Variants in SEMA4D observed in about 807,000 individuals in gnomAD.
SEMA4D encodes the protein semaphorin 4D.
SEMA4D carries 22 observed loss-of-function variants against 74.8 expected under a neutral mutation model. The ratio of observed to expected loss-of-function variants is 0.29; its 90% CI spans 0.21 to 0.42. The LOEUF (loss-of-function observed/expected upper bound fraction) is 0.42, where lower values mean the gene tolerates loss of function less well. Among genes scored for constraint, SEMA4D ranks in the 10% least tolerant of loss-of-function variants. The pLI is 1.00. For missense variants in SEMA4D, 937 were observed against 1,118.4 expected (o/e 0.84, Z 2.31); for synonymous variants, 445 against 463.7 (o/e 0.96, Z 0.52).
At chr9:89,437,084 G>C (rs907385783) in intron 2 of SEMA4D, among the ~76,000 whole-genome samples, 2 of 152,236 alleles carry the variant, frequency 1.3e-5, no homozygotes, top group Non-Finnish European at 2.9e-5. Context: ...CTGCTGGACA[G>C]TGCTGCAGCG....
At chr9:89,429,721 G>A (rs144525235) in intron 2 of SEMA4D, among the ~76,000 whole-genome samples, 2,244 of 152,264 alleles carry the variant, frequency 0.015, 29 homozygotes, top group South Asian at 0.041. Context: ...CCAGAAGCCC[G>A]GGAAGCATGC....
At chr9:89,424,252 TACAA>T (rs1487263750) in intron 2 of SEMA4D, among the ~76,000 whole-genome samples, 1 of 152,144 alleles carries the variant, frequency 6.6e-6, no homozygotes, top group Non-Finnish European at 1.5e-5. Context: ...AACACAATGT[TACAA>T]ACAACCAACA....
At chr9:89,364,764 T>G (rs912295896) in intron 16 of SEMA4D, 4 of 152,562 alleles carry the variant, frequency 2.6e-5, no homozygotes, top group African/African-American at 7.2e-5. Context: ...GCTTGTCTGA[T>G]GGAGAGATCA....
intron 13 of SEMA4D, among the ~76,000 whole-genome samples, chr9:89,383,477 A>G (rs921100162): frequency 6.6e-6 from 1 of 152,124 alleles, no homozygotes; most frequent in Non-Finnish European, 1.5e-5. Context: ...AAAACACCAG[A>G]CTACTCCTCT....
chr9:89,383,799 A>G (rs934444971), intron 13 of SEMA4D, among the ~76,000 whole-genome samples: 1 of 152,154 alleles, frequency 6.6e-6, no homozygotes, highest in Non-Finnish European at 1.5e-5. Context: ...AAAAAGCCTG[A>G]CCAGGCACCT....
In SEMA4D at chr9:89,388,726, G is replaced by A. The variant is rs955776144; in HGVS notation, c.1017C>T (p.His339=). 27 of 1,610,774 alleles carry A rather than the reference G, an allele frequency of 1.7e-5. No homozygotes were observed. The highest frequency in any genetic ancestry group is 1.6e-4 in the Middle Eastern group (1 of 6,064). Residue 339 remains histidine, a synonymous_variant, in exon 11 of 16, where the codon CAC becomes CAT. Coordinates refer to ENST00000422704, the MANE Select transcript of SEMA4D (RefSeq NM_001371194.2). The stretch of plus-strand genomic sequence containing the variant: ...CTGTGGTGCTCTGCATGTACTTCCC[G>A]TGGGAGAAGACCTCCTCGGCTGTGG... The part of the protein sequence containing the change: ...NLSTAEEVFS[H]GKYMQSTTVE...
chr9:89,497,256 G>A (rs1826091869), intron 1 of SEMA4D: 2 of 152,310 alleles, frequency 1.3e-5, no homozygotes, highest in East Asian at 1.9e-4. Flanking sequence ...CCCAAGCTAA[G>A]GCTTGTGGTT....
chr9:89,441,936 C>T (rs903319761), intron 2 of SEMA4D, among the ~76,000 whole-genome samples: 3 of 152,242 alleles, frequency 2.0e-5, no homozygotes, highest in Admixed American at 1.3e-4. Flanking sequence ...GACAGTCCCT[C>T]ACCAGGCACC....
In SEMA4D at chr9:89,378,829, T is replaced by C. The variant is rs1324183776; in HGVS notation, c.2464A>G (p.Ile822Val). ...DTGYETEQDT[I>V]TSKVPTDRED... ...CTATCCGTGGGGACTTTGCTGGTGA[T>C]GGTGTCTTGCTCGGTCTCATAGCCG... The change falls in exon 16 of 16, where the codon ATC (isoleucine) becomes GTC (valine). Residue 822 changes from isoleucine to valine, a missense_variant. By Grantham distance (29) the Ile-to-Val change is conservative (BLOSUM62 3). Coordinates refer to ENST00000422704, the MANE Select transcript of SEMA4D (RefSeq NM_001371194.2). 9 of 1,614,178 alleles carry C rather than the reference T, an allele frequency of 5.6e-6. No individual in the cohort carries two copies. Among genetic ancestry groups the C allele is most frequent in the African/African-American group, 1.3e-5 (1 of 75,040 alleles).
At chr9:89,482,480 G>A (rs1253728597) in intron 1 of SEMA4D, among the ~76,000 whole-genome samples, 1 of 152,190 alleles carries the variant, frequency 6.6e-6, no homozygotes, top group Admixed American at 6.5e-5. Context: ...GCCCCGCAAA[G>A]CTCAGGATAA....
At chr9:89,491,779 G>A (rs974609980) in intron 1 of SEMA4D, among the ~76,000 whole-genome samples, 7 of 152,104 alleles carry the variant, frequency 4.6e-5, no homozygotes, top group Middle Eastern at 6.8e-3. Context: ...ATCCCTGCCC[G>A]GCCTGGAGAC....
chr9:89,403,419 G>T (rs1299095869), intron 3 of SEMA4D, among the ~76,000 whole-genome samples: 1 of 152,204 alleles, frequency 6.6e-6, no homozygotes. Flanking sequence ...GTCATCCACA[G>T]ATTAGGTGTA....
At chr9:89,372,396 G>T (rs1226360874), downstream of SEMA4D, among the ~76,000 whole-genome samples, 21 of 146,258 alleles carry the variant, frequency 1.4e-4, no homozygotes, top group Non-Finnish European at 2.6e-4. Flanking sequence ...GTGTGTCGGG[G>T]GTGTGTGTGT....
chr9:89,428,913 C>T (rs1331311223), intron 2 of SEMA4D, among the ~76,000 whole-genome samples: 3 of 152,244 alleles, frequency 2.0e-5, no homozygotes, highest in Non-Finnish European at 2.9e-5. Flanking sequence ...CCCTCAGGGC[C>T]CCTGGACCCT....
chr9:89,442,524 C>A (rs747002810), intron 2 of SEMA4D, among the ~76,000 whole-genome samples: 1 of 152,044 alleles, frequency 6.6e-6, no homozygotes, highest in Non-Finnish European at 1.5e-5. Context: ...GAGGGGTGGG[C>A]GCCATCTGAA....
chr9:89,379,871 C>T (rs368940835), intron 15 of SEMA4D, among the ~76,000 whole-genome samples: 5 of 152,124 alleles, frequency 3.3e-5, no homozygotes, highest in South Asian at 2.1e-4. Flanking sequence ...ATTTCTCACC[C>T]GTGTCCCAGA....
At chr9:89,416,116 C>T (rs920234378) in intron 2 of SEMA4D, among the ~76,000 whole-genome samples, 1 of 152,164 alleles carries the variant, frequency 6.6e-6, no homozygotes, top group African/African-American at 2.4e-5. Context: ...TTATTGTCCA[C>T]AAAGCAAGCT....
At chr9:89,363,493 G>A in exon 18 of SEMA4D, 2 of 1,614,114 alleles carry the variant, frequency 1.2e-6, no homozygotes, top group Middle Eastern at 1.6e-4. Context: ...TCCAGGCAGA[G>A]AGCTCTCTGG....
At chr9:89,391,483 C>T (rs1839861400) in intron 8 of SEMA4D, 68 bp from the exon 9 acceptor site, 6 of 1,539,328 alleles carry the variant, frequency 3.9e-6, no homozygotes, top group South Asian at 2.3e-5. Context: ...CATGAGGTCA[C>T]GAGGCCGGCC....
Sources: gnomAD v4.1 joint callset for allele counts (sites outside exome capture counted in the v4.1 genomes callset) on GRCh38, gnomAD v4.1.1 for gene constraint, MANE v1.5 for transcripts, NCBI Gene and HGNC (gene_info 2026-07-23, HGNC 2026-07-21) for gene names.